COX15: variants seen among roughly 807,000 people sequenced by gnomAD.
The protein encoded by COX15 is heme A synthase COX15.
COX15 carries 51 observed loss-of-function variants against 51.9 expected under a neutral mutation model. The observed-to-expected ratio is 0.98, with a 90% CI of 0.78 to 1.24. COX15 has a LOEUF of 1.24. Among genes scored for constraint, COX15 ranks in the 50% most tolerant of loss-of-function variants. COX15 has a pLI of 0.00. For missense variants in COX15, 420 were observed against 501.1 expected, an observed-to-expected ratio of 0.84 and a Z score of 1.55; for synonymous variants, 188 against 190.5, an observed-to-expected ratio of 0.99 and a Z score of 0.11.
chr10:99,717,186 G>A (rs564151424), intron 7 of COX15, among the ~76,000 whole-genome samples: 3 of 152,084 alleles, frequency 2.0e-5, no homozygotes, highest in South Asian at 4.2e-4. Context: ...CTCTCTGGAC[G>A]TGCTGCTCTC....
At chr10:99,707,583 T>C (rs1002848777), downstream of COX15, among the ~76,000 whole-genome samples, 1 of 152,242 alleles carries the variant, frequency 6.6e-6, no homozygotes, top group Non-Finnish European at 1.5e-5. Flanking sequence ...CACATTCCAC[T>C]GGTTCCTTTG....
chr10:99,709,494 C>T (rs1211795575), downstream of COX15: 20 of 984,986 alleles, frequency 2.0e-5, no homozygotes, highest in Non-Finnish European at 2.3e-5. Context: ...AAAACTAAGA[C>T]TCAAAACCAA....
At chr10:99,723,145 CTT>C (rs769674495) in intron 5 of COX15, 21 of 144,438 alleles carry the variant, frequency 1.5e-4, no homozygotes, top group Middle Eastern at 3.3e-3. Context: ...ATATAAGACT[CTT>C]TTTTTTTTTT....
intron 2 of COX15, 118 bp downstream of exon 2, chr10:99,729,435 G>A (rs1160651025): frequency 1.1e-5 from 12 of 1,104,638 alleles, no homozygotes; most frequent in Non-Finnish European, 1.6e-5. Context: ...ACTCCAGCCT[G>A]GCCAACAGAG....
chr10:99,700,818 G>A, the COX15 span: 2 of 695,614 alleles, frequency 2.9e-6, no homozygotes, highest in Non-Finnish European at 5.2e-6. Flanking sequence ...ACAGGGGTAT[G>A]ACGCAGTGTT....
In COX15 at chr10:99,718,417, A is replaced by G. The variant is rs759448528; in HGVS notation, c.916T>C (p.Phe306Leu). The G allele has an allele frequency of 6.2e-7, 1 of 1,614,136 alleles. No homozygotes were observed. The highest frequency in any genetic ancestry group is 1.1e-5 in the South Asian group (1 of 91,082). ...MGESWIPEDL[F>L]TFSPILRNVF... The stretch of plus-strand genomic sequence containing the variant: ...TTCCTCAGGATGGGGGAGAAGGTAA[A>G]GAGGTCCTCCGGGATCCAGGATTCT... Residue 306 changes from phenylalanine to leucine, a missense_variant, in exon 7 of 9, where the codon TTT (phenylalanine) becomes CTT (leucine). Transcript: ENST00000016171.
chr10:99,699,327 T>C, the COX15 span, among the ~76,000 whole-genome samples: 1 of 152,228 alleles, frequency 6.6e-6, no homozygotes. Flanking sequence ...CCTGGGAATA[T>C]TAGATGTTGT....
chr10:99,727,596 C>T (rs1333854468), intron 2 of COX15, 33 bp from the exon 3 acceptor site: 3 of 1,610,466 alleles, frequency 1.9e-6, no homozygotes, highest in South Asian at 1.1e-5. Context: ...GGGGTGTATG[C>T]GTGAGGCTGG....
intron 5 of COX15, 130 bp downstream of exon 5, chr10:99,723,826 C>T: frequency 1.0e-6 from 1 of 994,570 alleles, no homozygotes; most frequent in South Asian, 1.4e-5. Flanking sequence ...CAATTTGTTT[C>T]ACCTTTGCCA....
At position 99,714,637 on chromosome 10, in the gene COX15, GCAAAGC is replaced by G. The variant is rs1207325831; in HGVS notation, c.1177_1182del (p.Ala393_Leu394del). ...TTCATCAGCCAAAGAGCACCAGTGA[GCAAAGC>G]CAAGGAGCCTGACTGGTGAGTGGCG... On this transcript the variant is annotated inframe_deletion, in exon 9 of 9. Coordinates refer to ENST00000016171, the MANE Select transcript of COX15 (RefSeq NM_078470.6). 1.9e-6 allele frequency: 3 copies of G among 1,614,166 alleles called. No individual in the cohort carries two copies. The highest frequency in any genetic ancestry group is 1.7e-6 in the Non-Finnish European group (2 of 1,180,014).
chr10:99,712,962 C>G lies in COX15; in HGVS notation c.*1625G>C. ...ATGTTCTCTGCTCCAGTTAAATATC[C>G]CTAGTTCCTTCACCTATTCCCTGTG... On this transcript the variant is annotated 3_prime_UTR_variant, in exon 9 of 9. Coordinates refer to ENST00000016171, the MANE Select transcript of COX15 (RefSeq NM_078470.6). 3.1e-6 allele frequency: 3 copies of G among 974,162 alleles called. No individual in the cohort carries two copies. Among genetic ancestry groups the G allele is most frequent in the Non-Finnish European group, 3.7e-6 (3 of 808,412 alleles). 60.3% of individuals were successfully genotyped at this position (974,162 alleles called of 1,614,324 possible).
At chr10:99,698,461 T>G in the COX15 span, 1 of 1,409,766 alleles carries the variant, frequency 7.1e-7, no homozygotes, top group Non-Finnish European at 9.7e-7. Context: ...CTGATGCACA[T>G]TGTGTTTCTT....
chr10:99,725,807 C>T (rs1054212100), intron 4 of COX15, among the ~76,000 whole-genome samples: 2 of 152,144 alleles, frequency 1.3e-5, no homozygotes, highest in African/African-American at 2.4e-5. Flanking sequence ...CCTTGGCTTC[C>T]GAAAGTGTTG....
chr10:99,701,074 T>C, the COX15 span: 2 of 1,603,320 alleles, frequency 1.2e-6, no homozygotes, highest in African/African-American at 1.3e-5. Context: ...TTACTTCCCT[T>C]TCCTCCTTAG....
the COX15 span, among the ~76,000 whole-genome samples, chr10:99,702,288 A>T: frequency 1.3e-5 from 2 of 151,896 alleles, no homozygotes; most frequent in East Asian, 1.9e-4. Flanking sequence ...AGGGACTCTT[A>T]AAAAAAAGAA....
At chr10:99,716,587 T>A (rs570486291) in intron 7 of COX15, 126 bp from the exon 8 acceptor site, 47 of 672,954 alleles carry the variant, frequency 7.0e-5, no homozygotes, top group Non-Finnish European at 1.0e-4. Context: ...ACAGAGAACC[T>A]CCCTGCAGTC....
chr10:99,712,914 C>T lies in COX15; in HGVS notation c.*1673G>A. 4.2e-6 allele frequency: 3 copies of T among 720,952 alleles called. No individual in the cohort carries two copies. The highest frequency in any genetic ancestry group is 5.1e-6 in the Non-Finnish European group (3 of 585,826). The allele number at this position is 720,952 out of a possible 1,614,324, so 44.7% of individuals were successfully genotyped here. On this transcript the variant is annotated 3_prime_UTR_variant, in exon 9 of 9. Coordinates refer to ENST00000016171, the MANE Select transcript of COX15 (RefSeq NM_078470.6). ...TGAGACGGCTTCAACTTCTCAAGGA[C>T]AGGAATCTTGCTCTCTCTCCAGATG...
intron 2 of COX15, 63 bp from the exon 3 acceptor site, chr10:99,727,626 T>C: frequency 3.2e-6 from 5 of 1,561,124 alleles, no homozygotes; most frequent in Non-Finnish European, 4.4e-6. Context: ...AAAAGGTTTA[T>C]AGCAACAAGT....
In COX15 at chr10:99,711,047, T is replaced by C. The variant is rs1033859543; in HGVS notation, c.*3540A>G. On this transcript the variant is annotated 3_prime_UTR_variant, in exon 9 of 9. Transcript: ENST00000016171. ...TAATTATCCATTTTCCATTCATGCATTCACTAATTCAATATTTGATATGTG... is the reference window on the plus strand; with the variant it reads ...TAATTATCCATTTTCCATTCATGCACTCACTAATTCAATATTTGATATGTG... 2 of 985,236 alleles carry C rather than the reference T, an allele frequency of 2.0e-6. No individual in the cohort carries two copies. The highest frequency in any genetic ancestry group is 6.2e-5 in the Admixed American group (1 of 16,260). 61.0% of individuals were successfully genotyped at this position (985,236 alleles called of 1,614,324 possible).
Sources: gnomAD v4.1 joint callset for allele counts (sites outside exome capture counted in the v4.1 genomes callset) on GRCh38, gnomAD v4.1.1 for gene constraint, MANE v1.5 for transcripts, NCBI Gene and HGNC (gene_info 2026-07-23, HGNC 2026-07-21) for gene names.